DIS3L2: variants seen among roughly 807,000 people sequenced by gnomAD.
DIS3L2 encodes the protein DIS3-like exonuclease 2.
In DIS3L2, 34 loss-of-function variants were observed where a neutral mutation model predicts 97.5. The ratio of observed to expected loss-of-function variants is 0.35; its 90% CI spans 0.27 to 0.46. The LOEUF is 0.46. Ranked by LOEUF, DIS3L2 falls within the 20% of genes least tolerant of loss-of-function variation. The pLI is 1.00. For missense variants in DIS3L2, 1,038 were observed against 1,146.0 expected (o/e 0.91, Z 1.36); for synonymous variants, 435 against 445.2 (o/e 0.98, Z 0.29).
intron 8 of DIS3L2, among the ~76,000 whole-genome samples, chr2:232,149,559 G>T (rs1424709021): frequency 1.3e-5 from 2 of 148,720 alleles, no homozygotes; most frequent in Non-Finnish European, 3.0e-5. Flanking sequence ...GTATTCCATG[G>T]TGTATTTGTG....
intron 11 of DIS3L2, among the ~76,000 whole-genome samples, chr2:232,244,308 G>A (rs985548590): frequency 1.4e-4 from 21 of 152,202 alleles, no homozygotes; most frequent in African/African-American, 5.1e-4. Flanking sequence ...GGTGAGGAGT[G>A]TGGGGAGACA....
chr2:232,270,900 CTCTCTCTCTCTCTCT>C (rs1693985322), intron 13 of DIS3L2, among the ~76,000 whole-genome samples: 2 of 144,222 alleles, frequency 1.4e-5, no homozygotes, highest in African/African-American at 5.6e-5. Flanking sequence ...CTCTCTCTCT[CTCTCTCTCTCTCTCT>C]GTCTCGTCTC....
intron 1 of DIS3L2, among the ~76,000 whole-genome samples, chr2:232,009,764 G>C (rs1176319840): frequency 6.6e-6 from 1 of 152,108 alleles, no homozygotes; most frequent in East Asian, 1.9e-4. Context: ...TTCCAGACCA[G>C]CAGGAAAAAA....
intron 14 of DIS3L2, among the ~76,000 whole-genome samples, chr2:232,324,512 C>T (rs1186480575): frequency 2.0e-5 from 3 of 152,106 alleles, no homozygotes; most frequent in Admixed American, 6.5e-5. Context: ...CCCTCTGCCC[C>T]GGCTCCCGCT....
chr2:232,267,580 T>C (rs998494061), intron 13 of DIS3L2, among the ~76,000 whole-genome samples: 3 of 152,198 alleles, frequency 2.0e-5, no homozygotes, highest in African/African-American at 4.8e-5. Context: ...GGAGCTCCCA[T>C]AACAGGGGCC....
At chr2:232,305,356 G>A (rs976940129) in intron 14 of DIS3L2, among the ~76,000 whole-genome samples, 1 of 152,144 alleles carries the variant, frequency 6.6e-6, no homozygotes, top group Non-Finnish European at 1.5e-5. Flanking sequence ...GGGGTTACAG[G>A]CGTGAGCCAC....
At position 232,037,488 on chromosome 2, in the gene DIS3L2, C is replaced by T. The variant is rs928404878; in HGVS notation, c.366+7408C>T. ...TGCTGGGCTCCATGAGGGTGGGATC[C>T]GCTGAGCTAGACCACTTGGCTCTCT... is the stretch of plus-strand genomic sequence containing the variant. On this transcript the variant is annotated intron_variant, in intron 5 of 20. Transcript: ENST00000325385. This position sits in a 1 kb window ranked among gnomAD's most constrained non-coding sequence, Gnocchi z 4.6. Among the ~76,000 whole-genome samples, 5 of 152,268 alleles carry T rather than the reference C, an allele frequency of 3.3e-5. No homozygotes were observed. The highest frequency in any genetic ancestry group is 5.9e-5 in the Non-Finnish European group (4 of 68,022).
intron 16 of DIS3L2, among the ~76,000 whole-genome samples, chr2:232,333,276 C>T (rs1695823153): frequency 6.7e-6 from 1 of 148,744 alleles, no homozygotes. Flanking sequence ...TCCTCCTCCT[C>T]CTCTGCCTCC....
rs1002299728 is a variant in DIS3L2, at chr2:232,002,717, T to C, written c.-93-12118T>C. On this transcript the variant is annotated intron_variant, in intron 1 of 20. Transcript: ENST00000325385. ...AAAAGGCATATTAAGTGAAGTGTTA[T>C]TCCACATCCATTTCTTTTACCTAGT... is the stretch of plus-strand genomic sequence containing the variant. Among the ~76,000 whole-genome samples the C allele has an allele frequency of 2.0e-5, 3 of 152,346 alleles. No individual in the cohort carries two copies. In the South Asian group the frequency reaches 6.2e-4, roughly 32 times the overall value.
At chr2:232,139,181 A>T (rs993934504) in intron 8 of DIS3L2, among the ~76,000 whole-genome samples, 7 of 152,196 alleles carry the variant, frequency 4.6e-5, no homozygotes, top group Non-Finnish European at 1.0e-4. Context: ...GAAATGGAGG[A>T]AGTCTCATGA....
chr2:231,996,693 C>A (rs1363711035), intron 1 of DIS3L2, among the ~76,000 whole-genome samples: 1 of 152,164 alleles, frequency 6.6e-6, no homozygotes, highest in Admixed American at 6.5e-5. Context: ...CATATCTTAA[C>A]TATGCAATGT....
Position 232,186,387 on chromosome 2 carries a change from T to A in DIS3L2, c.1124+22755T>A, listed in dbSNP as rs148207178. Among the ~76,000 whole-genome samples the A allele has an allele frequency of 3.2e-3, 494 of 152,290 alleles. 3 individuals are homozygous for A. The highest frequency in any genetic ancestry group is 0.011 in the African/African-American group (449 of 41,556). ...TAGACAATCTGAATAGTCACAAAAC[T>A]ATTAAAAATATTGAATTCATAATTT... is the stretch of plus-strand genomic sequence containing the variant. On this transcript the variant is annotated intron_variant, in intron 9 of 20. Coordinates refer to ENST00000325385, the MANE Select transcript of DIS3L2 (RefSeq NM_152383.5).
At chr2:232,315,908 C>T (rs1040521990) in intron 14 of DIS3L2, among the ~76,000 whole-genome samples, 11 of 152,204 alleles carry the variant, frequency 7.2e-5, no homozygotes, top group Admixed American at 2.0e-4. Flanking sequence ...CCAAGCCAAC[C>T]CCATGTGACC....
intron 1 of DIS3L2, chr2:231,978,892 TTC>T (rs1693171469): frequency 6.6e-6 from 1 of 152,272 alleles, no homozygotes; most frequent in African/African-American, 2.4e-5. Context: ...ATTAGAATAT[TTC>T]TTTTACCTGT....
chr2:232,039,223 G>T (rs1300160098), intron 5 of DIS3L2, among the ~76,000 whole-genome samples: 3 of 152,186 alleles, frequency 2.0e-5, no homozygotes, highest in Admixed American at 1.3e-4. Context: ...TGTGATAGTT[G>T]TTGGTGACAG....
At chr2:231,978,298 T>C (rs1481056345) in intron 1 of DIS3L2, among the ~76,000 whole-genome samples, 1 of 152,236 alleles carries the variant, frequency 6.6e-6, no homozygotes, top group Non-Finnish European at 1.5e-5. Flanking sequence ...CTTTCTGAGG[T>C]AATCTGAATT....
At chr2:232,332,835 G>C (rs531567284) in intron 16 of DIS3L2, among the ~76,000 whole-genome samples, 15 of 152,174 alleles carry the variant, frequency 9.9e-5, no homozygotes, top group African/African-American at 1.7e-4. Flanking sequence ...AGCTGGGCGG[G>C]ATCAGTGCCA....
At chr2:232,236,124 A>G (rs979451676) in intron 10 of DIS3L2, among the ~76,000 whole-genome samples, 30 of 152,218 alleles carry the variant, frequency 2.0e-4, no homozygotes, top group African/African-American at 6.8e-4. Context: ...TGAGTGTCAC[A>G]CCAGATGAAG....
At chr2:231,983,887 TAA>T (rs201338126) in intron 1 of DIS3L2, among the ~76,000 whole-genome samples, 43 of 135,360 alleles carry the variant, frequency 3.2e-4, no homozygotes, top group Non-Finnish European at 3.7e-4. Context: ...AGACTCATCT[TAA>T]AAAAAAAAAA....
Sources: allele counts gnomAD v4.1 joint callset (sites outside exome capture counted in the v4.1 genomes callset), GRCh38; gene constraint gnomAD v4.1.1; non-coding constraint Gnocchi (gnomAD v3.1); transcripts MANE v1.5; gene names NCBI Gene and HGNC (gene_info 2026-07-23, HGNC 2026-07-21).